The following CLVS2 variants were observed in gnomAD, a reference collection of about 807,000 sequenced individuals.
The protein encoded by CLVS2 is clavesin-2.
In CLVS2, 19 loss-of-function variants were observed where a neutral mutation model predicts 29.0. That is an observed-to-expected ratio of 0.66 (90% CI 0.46 to 0.96). The LOEUF is 0.96. CLVS2 is among the 40% of genes least tolerant of loss of function. The probability of loss-of-function intolerance (pLI) is 0.00; values close to 1 mark genes in which losing one functional copy is unlikely to be tolerated. For synonymous variants in CLVS2, 161 were observed against 151.3 expected, an observed-to-expected ratio of 1.06 and a Z score of -0.47; for missense variants, 294 against 404.1, an observed-to-expected ratio of 0.73 and a Z score of 2.34.
intron 3 of CLVS2, among the ~76,000 whole-genome samples, chr6:123,015,196 G>A (rs1774809454): frequency 6.6e-6 from 1 of 151,948 alleles, no homozygotes; most frequent in South Asian, 2.1e-4. Flanking sequence ...CCAGAGATGA[G>A]GCTGGAAGGG....
At chr6:123,062,694 C>A (rs984811315) in intron 5 of CLVS2, among the ~76,000 whole-genome samples, 5 of 151,944 alleles carry the variant, frequency 3.3e-5, no homozygotes, top group Non-Finnish European at 5.9e-5. Flanking sequence ...CGTTGCTGTT[C>A]TTTTTCATTT....
At chr6:123,000,900 G>A (rs4513818) in intron 2 of CLVS2, among the ~76,000 whole-genome samples, 40,103 of 152,010 alleles carry the variant, frequency 0.26, 6,298 homozygotes, top group East Asian at 0.71. Flanking sequence ...GAAATGAGGC[G>A]GAAGAAAATG....
chr6:123,005,418 T>G (rs1774653121), intron 2 of CLVS2, among the ~76,000 whole-genome samples: 1 of 152,182 alleles, frequency 6.6e-6, no homozygotes, highest in Non-Finnish European at 1.5e-5. Flanking sequence ...TAATGAAAAC[T>G]GAGGGGTGGG....
intron 5 of CLVS2, among the ~76,000 whole-genome samples, chr6:123,057,939 G>A (rs747302107): frequency 1.5e-4 from 23 of 152,130 alleles, no homozygotes; most frequent in African/African-American, 2.2e-4. Flanking sequence ...TTTTGTGTGC[G>A]TAAGTATGAA....
At chr6:123,010,235 G>A (rs879666583) in intron 2 of CLVS2, among the ~76,000 whole-genome samples, 14 of 151,940 alleles carry the variant, frequency 9.2e-5, no homozygotes, top group Non-Finnish European at 1.3e-4. Flanking sequence ...TTGAAGCAGT[G>A]TCTTAATCTC....
At chr6:123,053,498 A>G (rs1477427380) in intron 4 of CLVS2, among the ~76,000 whole-genome samples, 1 of 152,200 alleles carries the variant, frequency 6.6e-6, no homozygotes, top group Non-Finnish European at 1.5e-5. Flanking sequence ...ACGGAGGGTT[A>G]AAGATATATA....
At chr6:123,053,310 C>T (rs571115731) in intron 4 of CLVS2, among the ~76,000 whole-genome samples, 1 of 152,280 alleles carries the variant, frequency 6.6e-6, no homozygotes, top group East Asian at 1.9e-4. Context: ...CAGCACTACA[C>T]TCCAGCCTGG....
chr6:123,035,424 T>C (rs973990910), intron 3 of CLVS2, among the ~76,000 whole-genome samples: 1 of 152,064 alleles, frequency 6.6e-6, no homozygotes, highest in African/African-American at 2.4e-5. Context: ...CCAATGACAA[T>C]CTACATGGAT....
At chr6:123,022,139 T>C (rs184056601) in intron 3 of CLVS2, among the ~76,000 whole-genome samples, 4 of 152,096 alleles carry the variant, frequency 2.6e-5, no homozygotes, top group East Asian at 1.9e-4. Flanking sequence ...TTATATATAA[T>C]GTTTAGGCAT....
intron 3 of CLVS2, among the ~76,000 whole-genome samples, chr6:123,044,619 GGAGGGTC>G (rs555207564): frequency 5.3e-4 from 80 of 152,206 alleles, no homozygotes; most frequent in African/African-American, 1.9e-3. Flanking sequence ...AGGTGTGAAG[GGAGGGTC>G]TAGAAGAACA....
chr6:123,034,519 A>G (rs1407873897), intron 3 of CLVS2, among the ~76,000 whole-genome samples: 2 of 152,132 alleles, frequency 1.3e-5, no homozygotes, highest in African/African-American at 4.8e-5. Context: ...ATCCATCAAA[A>G]TTACAGAGCC....
At chr6:123,005,527 T>G (rs1470143897) in intron 2 of CLVS2, among the ~76,000 whole-genome samples, 2 of 152,314 alleles carry the variant, frequency 1.3e-5, no homozygotes, top group East Asian at 3.9e-4. Flanking sequence ...GATGCTAGTT[T>G]TTTCTTGTCA....
rs1313658404 is a variant in CLVS2 at position 123,070,154 on chromosome 6, T to C, written c.*6393T>C. 2 of 152,006 alleles carry C rather than the reference T, an allele frequency of 1.3e-5. No individual in the cohort carries two copies. The highest frequency in any genetic ancestry group is 2.4e-5 in the African/African-American group (1 of 41,440). 9.4% of individuals were successfully genotyped at this position (152,006 alleles called of 1,614,324 possible). A position where few individuals can be genotyped will look rare whatever the true frequency, so the allele number is the denominator to read the frequency against. On this transcript the variant is annotated 3_prime_UTR_variant, in exon 6 of 6. Transcript: ENST00000275162. The stretch of plus-strand genomic sequence containing the variant: ...AGTAATATCCCTTACTCCTCATTCA[T>C]ATAGCTAACAATTTTAATTGGATGG...
intron 3 of CLVS2, among the ~76,000 whole-genome samples, chr6:123,031,425 C>T (rs1775082716): frequency 6.6e-6 from 1 of 152,164 alleles, no homozygotes; most frequent in South Asian, 2.1e-4. Flanking sequence ...ATGAATAGTT[C>T]TGGAGGTCTC....
At chr6:122,998,942 T>C (rs955548957) in intron 2 of CLVS2, among the ~76,000 whole-genome samples, 3 of 152,200 alleles carry the variant, frequency 2.0e-5, no homozygotes, top group Non-Finnish European at 2.9e-5. Context: ...AGAGAAGAAA[T>C]AATATTCTTT....
At chr6:123,014,396 A>G (rs1216041453) in intron 3 of CLVS2, among the ~76,000 whole-genome samples, 1 of 152,082 alleles carries the variant, frequency 6.6e-6, no homozygotes, top group Non-Finnish European at 1.5e-5. Context: ...ACCTTGTATA[A>G]AGATACATGA....
At chr6:123,021,092 G>T (rs1471514915) in intron 3 of CLVS2, among the ~76,000 whole-genome samples, 1 of 151,614 alleles carries the variant, frequency 6.6e-6, no homozygotes, top group African/African-American at 2.4e-5. Context: ...TCTCTAAAAT[G>T]TGTTTATTTT....
chr6:123,011,273 G>A (rs1774744959), intron 3 of CLVS2, 114 bp downstream of exon 3: 2 of 731,792 alleles, frequency 2.7e-6, no homozygotes, highest in East Asian at 6.0e-5. Flanking sequence ...AAAAAAATCT[G>A]TAGTTTTTGA....
At chr6:123,012,718 A>G (rs543867591) in intron 3 of CLVS2, among the ~76,000 whole-genome samples, 1 of 152,140 alleles carries the variant, frequency 6.6e-6, no homozygotes, top group South Asian at 2.1e-4. Context: ...GCTTATGTCT[A>G]GTGAAGGAAA....
Sources: allele counts gnomAD v4.1 joint callset (sites outside exome capture counted in the v4.1 genomes callset), GRCh38; gene constraint gnomAD v4.1.1; transcripts MANE v1.5; gene names NCBI Gene and HGNC (gene_info 2026-07-23, HGNC 2026-07-21).